Variants in SLC48A1 observed in about 807,000 individuals in gnomAD.
SLC48A1 encodes the protein solute carrier family 48 member 1.
A neutral mutation model predicts 14.8 loss-of-function variants in SLC48A1; 6 were observed. That is an observed-to-expected ratio of 0.41 (90% CI 0.22 to 0.80). The LOEUF (loss-of-function observed/expected upper bound fraction) is 0.80. Among genes scored for constraint, SLC48A1 ranks in the 30% least tolerant of loss-of-function variants. The probability of loss-of-function intolerance (pLI) is 0.34; values close to 1 mark genes in which losing one functional copy is unlikely to be tolerated. For missense variants in SLC48A1, 165 were observed against 204.8 expected, an observed-to-expected ratio of 0.81 and a Z score of 1.19; for synonymous variants, 89 against 90.0, an observed-to-expected ratio of 0.99 and a Z score of 0.06.
At chr12:47,757,525 C>T (rs560450737), upstream of SLC48A1, among the ~76,000 whole-genome samples, 6 of 152,280 alleles carry the variant, frequency 3.9e-5, no homozygotes, top group African/African-American at 1.2e-4. Flanking sequence ...CCCATTGACC[C>T]GGCCCCCATA....
chr12:47,772,719 T>C (rs1040268695), upstream of SLC48A1, among the ~76,000 whole-genome samples: 9 of 150,482 alleles, frequency 6.0e-5, no homozygotes, highest in African/African-American at 1.5e-4. Flanking sequence ...TGCGTGAGGA[T>C]AGAATGTATA....
At position 47,777,504 on chromosome 12, in the gene SLC48A1, G is replaced by C. The variant is rs1276383897; in HGVS notation, c.137-1524G>C. On this transcript the variant is annotated intron_variant, in intron 1 of 2. Transcript: ENST00000442218. This position sits in a 1 kb window ranked among gnomAD's most constrained non-coding sequence, Gnocchi z 4.5. Reference sequence around the variant, plus strand: ...CATTTTTAGATGTGGAAACACCAAGGCTTTGGGACACAGCAGTGCCAGGCT... The same window carrying C: ...CATTTTTAGATGTGGAAACACCAAGCCTTTGGGACACAGCAGTGCCAGGCT... 6.6e-6 allele frequency among the ~76,000 whole-genome samples: 1 copy of C among 152,192 alleles called. No homozygotes were observed. The highest frequency in any genetic ancestry group is 1.5e-5 in the Non-Finnish European group (1 of 68,034).
chr12:47,760,663 T>A (rs1942352913), intron 2 of SLC48A1, among the ~76,000 whole-genome samples: 1 of 152,182 alleles, frequency 6.6e-6, no homozygotes, highest in Non-Finnish European at 1.5e-5. Flanking sequence ...TTCCATGTGT[T>A]TAATCCCTGC....
chr12:47,760,413 G>A (rs372368029), intron 2 of SLC48A1: 1 of 985,458 alleles, frequency 1.0e-6, no homozygotes. Flanking sequence ...TATGCATGGG[G>A]AAGAGTTAGG....
At chr12:47,760,311 C>T (rs762357880) in exon 2 of SLC48A1, 47 of 985,314 alleles carry the variant, frequency 4.8e-5, no homozygotes, top group Non-Finnish European at 5.2e-5. Flanking sequence ...TGACCTCAGA[C>T]CCAAATCCAT....
Position 47,779,537 on chromosome 12 carries a change from T to G in SLC48A1, c.304+342T>G, listed in dbSNP as rs368849485. ...GGTCCTTCTTCCGGGAGTCTGATGC[T>G]AACTAAAGCAGGTTGGAGGTGGCCT... On this transcript the variant is annotated intron_variant, in intron 2 of 2. Transcript: ENST00000442218. Among the ~76,000 whole-genome samples the G allele has an allele frequency of 4.9e-4, 75 of 152,346 alleles. 1 individual carries two copies. The highest frequency in any genetic ancestry group is 1.7e-3 in the African/African-American group (71 of 41,582).
chr12:47,771,863 G>T (rs1942635763), upstream of SLC48A1, among the ~76,000 whole-genome samples: 1 of 151,882 alleles, frequency 6.6e-6, no homozygotes, highest in Non-Finnish European at 1.5e-5. Context: ...AACCCAGGAG[G>T]CAGAGATTGC....
At chr12:47,761,130 A>G (rs959817293) in intron 2 of SLC48A1, among the ~76,000 whole-genome samples, 5 of 150,976 alleles carry the variant, frequency 3.3e-5, no homozygotes, top group African/African-American at 1.2e-4. Flanking sequence ...CCGGGAGGCG[A>G]AGGTTGCAGT....
chr12:47,775,932 C>T (rs1199846773), intron 1 of SLC48A1, among the ~76,000 whole-genome samples: 1 of 152,184 alleles, frequency 6.6e-6, no homozygotes, highest in Admixed American at 6.5e-5. Context: ...CCTGGTCTGG[C>T]TTTGCTGTGG....
At chr12:47,761,310 A>G (rs1410353436) in intron 2 of SLC48A1, among the ~76,000 whole-genome samples, 1 of 150,916 alleles carries the variant, frequency 6.6e-6, no homozygotes. Flanking sequence ...GTCCCAACCC[A>G]CTCCCCCACC....
chr12:47,782,386 G>C lies in SLC48A1; in HGVS notation c.*2105G>C, dbSNP rs187759203. On this transcript the variant is annotated 3_prime_UTR_variant, in exon 3 of 3. Coordinates refer to ENST00000442218, the MANE Select transcript of SLC48A1 (RefSeq NM_017842.3). ...AGGTGTGTCTGAGTCACAACTCTTC[G>C]GGGATGCCGTGGTGAGCTGGGGCTG... 1 of 152,262 alleles carries C rather than the reference G, an allele frequency of 6.6e-6. No homozygotes were observed. The highest frequency in any genetic ancestry group is 1.5e-5 in the Non-Finnish European group (1 of 68,072). The allele number at this position is 152,262 out of a possible 1,614,324, so 9.4% of individuals were successfully genotyped here.
rs538600882 is a variant in SLC48A1, at chr12:47,779,408, C to CAGTGCATAG, written c.304+214_304+222dup. On this transcript the variant is annotated intron_variant, in intron 2 of 2. Coordinates refer to ENST00000442218, the MANE Select transcript of SLC48A1 (RefSeq NM_017842.3). ...TATGAAACTGATGTGAAGTCTTGAGCAGTGCATAGCCCATACAAGCACTCC... is the reference window on the plus strand; with the variant it reads ...TATGAAACTGATGTGAAGTCTTGAGCAGTGCATAGAGTGCATAGCCCATACAAGCACTCC... Among the ~76,000 whole-genome samples the CAGTGCATAG allele has an allele frequency of 1.4e-4, 22 of 152,304 alleles. No homozygotes were observed. The South Asian group carries it at 4.6e-3, about 32-fold the overall frequency.
upstream of SLC48A1, among the ~76,000 whole-genome samples, chr12:47,757,579 A>G (rs150577703): frequency 4.5e-3 from 684 of 152,242 alleles, 4 homozygotes; most frequent in Non-Finnish European, 7.9e-3. Context: ...ACCTAACTCA[A>G]TGCCGGCTCA....
rs1326482049 is a variant in SLC48A1, at chr12:47,780,425, G to A, written c.*144G>A. On this transcript the variant is annotated 3_prime_UTR_variant, in exon 3 of 3. Coordinates refer to ENST00000442218, the MANE Select transcript of SLC48A1 (RefSeq NM_017842.3). ...CAGCAGGACGAGTGTGGTCTCCCAG[G>A]AAGCTGTCCTGCCCGTCCCCTTTCG... The A allele has an allele frequency of 1.3e-5, 17 of 1,306,772 alleles. No homozygotes were observed. Among genetic ancestry groups the A allele is most frequent in the Non-Finnish European group, 1.7e-5 (15 of 900,194 alleles). The allele number at this position is 1,306,772 out of a possible 1,614,324, so 80.9% of individuals were successfully genotyped here. A position where few individuals can be genotyped will look rare whatever the true frequency, so the allele number is the denominator to read the frequency against.
intron 2 of SLC48A1, among the ~76,000 whole-genome samples, chr12:47,764,359 C>A (rs115000550): frequency 1.3e-5 from 2 of 152,350 alleles, no homozygotes; most frequent in African/African-American, 4.8e-5. Flanking sequence ...TTGCAACTTT[C>A]CCCACCTTCC....
chr12:47,754,804 T>C (rs1042139824), upstream of SLC48A1, among the ~76,000 whole-genome samples: 6 of 152,190 alleles, frequency 3.9e-5, no homozygotes, highest in Admixed American at 2.0e-4. Context: ...GCAGCTGATA[T>C]GAGTCAAGGT....
chr12:47,762,341 G>T (rs1250042808), intron 2 of SLC48A1, among the ~76,000 whole-genome samples: 1 of 152,108 alleles, frequency 6.6e-6, no homozygotes, highest in African/African-American at 2.4e-5. Flanking sequence ...GTCTTCACAG[G>T]AACCTCATAC....
chr12:47,779,516 C>T (rs1388429935), intron 2 of SLC48A1, among the ~76,000 whole-genome samples: 2 of 152,196 alleles, frequency 1.3e-5, no homozygotes, highest in African/African-American at 4.8e-5. Flanking sequence ...ACCAGAGGTC[C>T]TTCTTCCGGG....
intron 1 of SLC48A1, chr12:47,758,735 T>G: frequency 4.0e-6 from 5 of 1,249,322 alleles, no homozygotes; most frequent in Non-Finnish European, 5.1e-6. Flanking sequence ...CAGGGCTCGG[T>G]GGAGAGGCTC....
Sources: allele counts gnomAD v4.1 joint callset (sites outside exome capture counted in the v4.1 genomes callset), GRCh38; gene constraint gnomAD v4.1.1; non-coding constraint Gnocchi (gnomAD v3.1); transcripts MANE v1.5; gene names NCBI Gene and HGNC (gene_info 2026-07-23, HGNC 2026-07-21).